Variants in SLC39A11 observed in about 807,000 individuals in gnomAD.
SLC39A11 encodes the protein solute carrier family 39 member 11.
A neutral mutation model predicts 36.1 loss-of-function variants in SLC39A11; 33 were observed. The ratio of observed to expected loss-of-function variants is 0.91; its 90% CI spans 0.69 to 1.22. The LOEUF (loss-of-function observed/expected upper bound fraction) is 1.22, where lower values mean the gene tolerates loss of function less well. Among genes scored for constraint, SLC39A11 ranks in the 50% most tolerant of loss-of-function variants. The pLI is 0.00. For missense variants in SLC39A11, 432 were observed against 430.3 expected (o/e 1.00, Z -0.03); for synonymous variants, 166 against 170.3 (o/e 0.97, Z 0.20).
chr17:72,854,111 T>A (rs1450812480), intron 5 of SLC39A11, among the ~76,000 whole-genome samples: 1 of 152,158 alleles, frequency 6.6e-6, no homozygotes, highest in Non-Finnish European at 1.5e-5. Flanking sequence ...TTATCTTCAA[T>A]GAGTCCTCAA....
intron 5 of SLC39A11, among the ~76,000 whole-genome samples, chr17:72,909,733 T>TC (rs1259300837): frequency 7.5e-6 from 1 of 132,720 alleles, no homozygotes; most frequent in Non-Finnish European, 1.6e-5. Context: ...TGTCTTTCTT[T>TC]CTTTTTTTTC....
Position 72,736,689 on chromosome 17 carries a change from G to C in SLC39A11, c.632C>G (p.Ala211Gly), listed in dbSNP as rs149412112. The C allele has an allele frequency of 1.2e-4, 189 of 1,613,992 alleles. 1 individual carries two copies. In the African/African-American group the frequency reaches 2.4e-3, roughly 20 times the overall value. Reference protein sequence around the residue: ...EGLAVGVGFGAIEKTASATFE... With the variant: ...EGLAVGVGFGGIEKTASATFE... ...GGTAGCAGATGCCGTCTTTTCTATA[G>C]CCCCAAATCCAACTCCAACAGCGAG... Residue 211 changes from alanine to glycine, a missense_variant, in exon 7 of 10, where the codon GCT becomes GGT. Transcript: ENST00000255559.
intron 7 of SLC39A11, among the ~76,000 whole-genome samples, chr17:72,701,080 C>A (rs776361559): frequency 3.3e-5 from 5 of 152,250 alleles, no homozygotes; most frequent in Non-Finnish European, 7.3e-5. Flanking sequence ...GCTTGGGGGC[C>A]ACATTCACCT....
intron 5 of SLC39A11, among the ~76,000 whole-genome samples, chr17:72,868,619 A>C (rs975238679): frequency 3.6e-4 from 8 of 22,172 alleles, no homozygotes; most frequent in Non-Finnish European, 3.3e-4. Flanking sequence ...CTGTCTCTAC[A>C]AAAAAAAAAA....
At chr17:72,977,756 G>GA (rs1489176461) in intron 4 of SLC39A11, among the ~76,000 whole-genome samples, 1 of 152,202 alleles carries the variant, frequency 6.6e-6, no homozygotes, top group Non-Finnish European at 1.5e-5. Flanking sequence ...TGAGTTTGGG[G>GA]AAACGGTAGT....
chr17:73,024,514 T>A (rs182102394), intron 4 of SLC39A11, among the ~76,000 whole-genome samples: 1 of 152,308 alleles, frequency 6.6e-6, no homozygotes, highest in Admixed American at 6.5e-5. Context: ...CCTAAGATAT[T>A]CTTTCGTGAA....
chr17:72,953,425 C>G (rs891555326), intron 4 of SLC39A11, among the ~76,000 whole-genome samples: 1 of 152,086 alleles, frequency 6.6e-6, no homozygotes, highest in African/African-American at 2.4e-5. Flanking sequence ...TGCAACTTGC[C>G]TTACATTAAA....
intron 4 of SLC39A11, among the ~76,000 whole-genome samples, chr17:72,990,804 A>G (rs9915764): frequency 0.065 from 9,845 of 152,272 alleles, 361 homozygotes; most frequent in African/African-American, 0.084. Context: ...GTATATATAT[A>G]TAACCTAGAG....
chr17:72,871,056 G>GTTTTTTTTTTTTTTTTGTTTTTTTTT (rs2080592683), intron 5 of SLC39A11, among the ~76,000 whole-genome samples: 1 of 124,316 alleles, frequency 8.0e-6, no homozygotes. Context: ...TTTTGTTTTT[G>GTTTTTTTTTTTTTTTTGTTTTTTTTT]TTTTTTTTTT....
At chr17:72,649,301 G>A (rs779452529) in intron 7 of SLC39A11, 33 bp from the exon 8 acceptor site, 6 of 1,595,096 alleles carry the variant, frequency 3.8e-6, no homozygotes, top group Non-Finnish European at 5.1e-6. Flanking sequence ...GAAGGCTGCT[G>A]TCTGGAATAG....
chr17:72,993,312 A>T (rs796770809), intron 4 of SLC39A11, among the ~76,000 whole-genome samples: 2 of 152,358 alleles, frequency 1.3e-5, no homozygotes, highest in African/African-American at 4.8e-5. Flanking sequence ...GGAGCGTTTT[A>T]TGTAAATTAT....
At chr17:72,943,965 T>TTA (rs1315822644) in intron 5 of SLC39A11, among the ~76,000 whole-genome samples, 9 of 152,092 alleles carry the variant, frequency 5.9e-5, no homozygotes, top group African/African-American at 1.7e-4. Context: ...TGGGACTGAA[T>TTA]TAAGAAGCAG....
At chr17:73,032,802 T>C (rs982352992) in intron 3 of SLC39A11, among the ~76,000 whole-genome samples, 2 of 152,248 alleles carry the variant, frequency 1.3e-5, no homozygotes, top group East Asian at 3.9e-4. Flanking sequence ...CTAATATTTA[T>C]TGATCACTTG....
intron 5 of SLC39A11, among the ~76,000 whole-genome samples, chr17:72,888,736 G>A (rs954443856): frequency 2.6e-5 from 4 of 151,806 alleles, no homozygotes; most frequent in African/African-American, 4.8e-5. Context: ...ACTCCATCTC[G>A]ATAAAAGATG....
At chr17:72,649,303 C>A in intron 7 of SLC39A11, 35 bp from the exon 8 acceptor site, 1 of 1,594,764 alleles carries the variant, frequency 6.3e-7, no homozygotes, top group South Asian at 1.1e-5. Flanking sequence ...AGGCTGCTGT[C>A]TGGAATAGGT....
chr17:73,061,220 A>G (rs2059830569), intron 3 of SLC39A11, among the ~76,000 whole-genome samples: 1 of 152,062 alleles, frequency 6.6e-6, no homozygotes, highest in African/African-American at 2.4e-5. Context: ...ATTAGCCGGG[A>G]GTGGTAGCAG....
intron 5 of SLC39A11, among the ~76,000 whole-genome samples, chr17:72,890,085 C>G (rs1198243012): frequency 4.0e-5 from 6 of 151,762 alleles, no homozygotes; most frequent in Non-Finnish European, 8.8e-5. Flanking sequence ...CATGGTGAAA[C>G]CTGGTCTCCA....
chr17:73,012,119 T>C (rs943734162), intron 4 of SLC39A11, among the ~76,000 whole-genome samples: 1 of 151,252 alleles, frequency 6.6e-6, no homozygotes, highest in Non-Finnish European at 1.5e-5. Context: ...TACCAAAAAA[T>C]AGAAAAACTA....
At chr17:72,782,687 CAAAAAAAAAA>C (rs72447211) in intron 6 of SLC39A11, among the ~76,000 whole-genome samples, 908 of 62,452 alleles carry the variant, frequency 0.015, 14 homozygotes, top group African/African-American at 0.049. Flanking sequence ...GACCCCATCT[CAAAAAAAAAA>C]AAAAAAAAAA....
Sources: allele counts gnomAD v4.1 joint callset (sites outside exome capture counted in the v4.1 genomes callset), GRCh38; gene constraint gnomAD v4.1.1; transcripts MANE v1.5; gene names NCBI Gene and HGNC (gene_info 2026-07-23, HGNC 2026-07-21).